The following CDH12 variants were observed in gnomAD, a reference collection of about 807,000 sequenced individuals.
CDH12 encodes the protein cadherin-12.
In CDH12, 41 loss-of-function variants were observed where a neutral mutation model predicts 74.1. That is an observed-to-expected ratio of 0.55 (90% CI 0.43 to 0.72). The LOEUF (loss-of-function observed/expected upper bound fraction) is 0.72, where lower values mean the gene tolerates loss of function less well. Among genes scored for constraint, CDH12 ranks in the 30% least tolerant of loss-of-function variants. CDH12 has a pLI of 0.00. For synonymous variants in CDH12, 399 were observed against 355.0 expected (o/e 1.12, Z -1.39); for missense variants, 945 against 977.2 (o/e 0.97, Z 0.44).
At chr5:22,659,297 T>G (rs6888198) in intron 1 of CDH12, among the ~76,000 whole-genome samples, 1 of 152,130 alleles carries the variant, frequency 6.6e-6, no homozygotes, top group East Asian at 1.9e-4. Flanking sequence ...TTAGAGAAAT[T>G]ACCTCTATCT....
chr5:22,015,185 T>C (rs1580115456), intron 5 of CDH12, among the ~76,000 whole-genome samples: 2 of 152,316 alleles, frequency 1.3e-5, no homozygotes, highest in East Asian at 3.9e-4. Context: ...TTAGCTAACT[T>C]TGCAGTTCTA....
chr5:22,162,169 A>G (rs1264265997), intron 4 of CDH12, among the ~76,000 whole-genome samples: 5 of 151,916 alleles, frequency 3.3e-5, no homozygotes, highest in Admixed American at 2.6e-4. Flanking sequence ...TCTGCCTAGC[A>G]GACTGAACGC....
intron 1 of CDH12, among the ~76,000 whole-genome samples, chr5:22,730,185 A>G (rs181670941): frequency 6.6e-6 from 1 of 151,982 alleles, no homozygotes. Context: ...AAATGAAAAC[A>G]ACAACAACGA....
At chr5:22,298,181 C>T (rs1333985592) in intron 3 of CDH12, among the ~76,000 whole-genome samples, 5 of 150,460 alleles carry the variant, frequency 3.3e-5, no homozygotes, top group Admixed American at 3.3e-4. Context: ...TTTCACTTAG[C>T]ACTGGGTGTT....
intron 14 of CDH12, among the ~76,000 whole-genome samples, chr5:21,754,587 A>G (rs1264979422): frequency 1.3e-5 from 2 of 152,208 alleles, no homozygotes; most frequent in African/African-American, 4.8e-5. Context: ...CTACGTCAGC[A>G]TGAACTTCTG....
chr5:22,852,427 C>A (rs1031960908), intron 1 of CDH12, among the ~76,000 whole-genome samples: 6 of 152,138 alleles, frequency 3.9e-5, no homozygotes, highest in Admixed American at 6.5e-5. Context: ...TGATCAATAA[C>A]CTTAAAATAA....
intron 2 of CDH12, among the ~76,000 whole-genome samples, chr5:22,491,088 C>T (rs1024898693): frequency 6.6e-6 from 1 of 152,186 alleles, no homozygotes; most frequent in Non-Finnish European, 1.5e-5. Flanking sequence ...GATCCCATCA[C>T]CCAAGTAGTG....
At chr5:22,181,360 C>T (rs1433675086) in intron 4 of CDH12, among the ~76,000 whole-genome samples, 1 of 152,100 alleles carries the variant, frequency 6.6e-6, no homozygotes, top group African/African-American at 2.4e-5. Context: ...CCCCTATTCT[C>T]CTCAGCATTC....
intron 3 of CDH12, among the ~76,000 whole-genome samples, chr5:22,399,787 A>G (rs1742635492): frequency 6.6e-6 from 1 of 152,180 alleles, no homozygotes; most frequent in South Asian, 2.1e-4. Context: ...GTACAATTGT[A>G]TGGTAAATGT....
At chr5:21,861,899 A>AGC (rs71609719) in intron 6 of CDH12, among the ~76,000 whole-genome samples, 2 of 147,722 alleles carry the variant, frequency 1.4e-5, no homozygotes, top group Non-Finnish European at 3.0e-5. Flanking sequence ...GGTCATTTCT[A>AGC]GTGTGTGTGT....
intron 5 of CDH12, among the ~76,000 whole-genome samples, chr5:22,076,938 TGGATCTTTAG>T (rs1332711840): frequency 2.0e-5 from 3 of 152,112 alleles, no homozygotes; most frequent in Admixed American, 6.6e-5. Flanking sequence ...AAGTGCCCTG[TGGATCTTTAG>T]GGATTGCACT....
chr5:22,406,970 C>T (rs573746412), intron 2 of CDH12, among the ~76,000 whole-genome samples: 22 of 151,960 alleles, frequency 1.4e-4, no homozygotes, highest in Admixed American at 2.0e-4. Context: ...TAAATCAGAT[C>T]AAATACATTA....
At chr5:22,851,876 C>T (rs1386868855) in intron 1 of CDH12, among the ~76,000 whole-genome samples, 2 of 152,106 alleles carry the variant, frequency 1.3e-5, no homozygotes, top group African/African-American at 4.8e-5. Flanking sequence ...TGATGAGGCG[C>T]TGCCACTGAA....
Position 22,409,401 on chromosome 5 carries a change from C to T in CDH12, c.-427-4050G>A, listed in dbSNP as rs1017043486. Reference sequence around the variant, plus strand: ...ATAATAAAATAAAAAGAGAAAGATACCCCATATTTCAATTATTCTTATTTC... The same window carrying T: ...ATAATAAAATAAAAAGAGAAAGATATCCCATATTTCAATTATTCTTATTTC... On this transcript the variant is annotated intron_variant, in intron 2 of 14. Coordinates refer to ENST00000382254, the MANE Select transcript of CDH12 (RefSeq NM_004061.5). Among the ~76,000 whole-genome samples, 33 of 151,838 alleles carry T rather than the reference C, an allele frequency of 2.2e-4. No individual in the cohort carries two copies. In the East Asian group the frequency reaches 3.7e-3, roughly 17 times the overall value.
chr5:21,955,111 A>T (rs1415037521), intron 6 of CDH12, among the ~76,000 whole-genome samples: 1 of 151,688 alleles, frequency 6.6e-6, no homozygotes, highest in Non-Finnish European at 1.5e-5. Context: ...TCTGCGTTTG[A>T]TTTTTTTTAC....
intron 5 of CDH12, among the ~76,000 whole-genome samples, chr5:21,990,959 T>C (rs1426784101): frequency 6.6e-6 from 1 of 151,354 alleles, no homozygotes; most frequent in African/African-American, 2.4e-5. Context: ...TTTTGAAATA[T>C]CTTGAGAGAA....
At chr5:22,324,738 C>T (rs1171128586) in intron 3 of CDH12, among the ~76,000 whole-genome samples, 1 of 152,002 alleles carries the variant, frequency 6.6e-6, no homozygotes, top group Admixed American at 6.5e-5. Context: ...TATACCTGAT[C>T]ACAATTATTG....
intron 6 of CDH12, among the ~76,000 whole-genome samples, chr5:21,914,053 C>T (rs751638799): frequency 2.0e-5 from 3 of 152,110 alleles, no homozygotes; most frequent in Non-Finnish European, 4.4e-5. Flanking sequence ...GAAAGGACTA[C>T]AAACTCTGTC....
At chr5:22,513,951 GA>G (rs34448733) in intron 1 of CDH12, among the ~76,000 whole-genome samples, 7,506 of 100,398 alleles carry the variant, frequency 0.075, 267 homozygotes, top group East Asian at 0.18. Flanking sequence ...TCCGTGTCAG[GA>G]AAAAAAAAAA....
Sources: allele counts gnomAD v4.1 joint callset (sites outside exome capture counted in the v4.1 genomes callset), GRCh38; gene constraint gnomAD v4.1.1; transcripts MANE v1.5; gene names NCBI Gene and HGNC (gene_info 2026-07-23, HGNC 2026-07-21).